Variants in PTPRR observed in about 807,000 individuals in gnomAD.
The protein encoded by PTPRR is protein tyrosine phosphatase receptor type R, also known as receptor-type tyrosine-protein phosphatase R.
PTPRR carries 38 observed loss-of-function variants against 77.2 expected under a neutral mutation model. That is an observed-to-expected ratio of 0.49 (90% CI 0.38 to 0.65). PTPRR has a LOEUF of 0.65. Among genes scored for constraint, PTPRR ranks in the 30% least tolerant of loss-of-function variants. The pLI, the probability that PTPRR is intolerant of heterozygous loss-of-function variation, is 0.00. For synonymous variants in PTPRR, 299 were observed against 283.1 expected (o/e 1.06, Z -0.57); for missense variants, 744 against 799.2 (o/e 0.93, Z 0.83).
At chr12:70,648,902 T>C (rs1886295130) in intron 13 of PTPRR, among the ~76,000 whole-genome samples, 1 of 152,116 alleles carries the variant, frequency 6.6e-6, no homozygotes, top group Non-Finnish European at 1.5e-5. Context: ...CTTATTTTAG[T>C]TCAAAATATG....
At chr12:70,703,073 T>C (rs1200817793) in intron 6 of PTPRR, among the ~76,000 whole-genome samples, 1 of 151,982 alleles carries the variant, frequency 6.6e-6, no homozygotes, top group African/African-American at 2.4e-5. Context: ...AAGCCTGAGA[T>C]ATGTATGTGA....
chr12:70,882,409 T>C (rs1893164723), intron 2 of PTPRR, among the ~76,000 whole-genome samples: 1 of 152,096 alleles, frequency 6.6e-6, no homozygotes, highest in Admixed American at 6.5e-5. Flanking sequence ...CCAGAGGATA[T>C]AGAACACCAA....
intron 6 of PTPRR, among the ~76,000 whole-genome samples, chr12:70,739,712 T>A (rs1889983919): frequency 6.6e-6 from 1 of 152,186 alleles, no homozygotes; most frequent in African/African-American, 2.4e-5. Flanking sequence ...AGGAGTGGTA[T>A]ATCTGAGAAT....
intron 2 of PTPRR, among the ~76,000 whole-genome samples, chr12:70,815,053 T>C (rs1387210386): frequency 1.3e-5 from 2 of 150,394 alleles, no homozygotes; most frequent in Non-Finnish European, 3.0e-5. Context: ...GATAAGGGCA[T>C]TAAAACAGTA....
rs1392350208 is a variant in PTPRR, at chr12:70,799,137, G to A, written c.358-34359C>T. 2.0e-5 allele frequency among the ~76,000 whole-genome samples: 3 copies of A among 152,222 alleles called. No individual in the cohort carries two copies. The South Asian group carries it at 6.2e-4, about 32-fold the overall frequency. On this transcript the variant is annotated intron_variant, in intron 2 of 13. Transcript: ENST00000283228. The stretch of plus-strand genomic sequence containing the variant: ...TCCGCTTACCTCCCTGACCATACCT[G>A]TACACATTAATTTTTATCCTCAAAA...
At chr12:70,892,256 T>C (rs1893350487) in intron 2 of PTPRR, among the ~76,000 whole-genome samples, 1 of 152,058 alleles carries the variant, frequency 6.6e-6, no homozygotes, top group African/African-American at 2.4e-5. Flanking sequence ...TTATTTATTG[T>C]AATTTGAGTC....
At chr12:70,888,854 C>CA (rs1264757933) in intron 2 of PTPRR, among the ~76,000 whole-genome samples, 3 of 152,182 alleles carry the variant, frequency 2.0e-5, no homozygotes, top group African/African-American at 7.2e-5. Context: ...AAGAAGTATA[C>CA]AGGCTACTGT....
rs1349938576 is a variant in PTPRR, at chr12:70,646,265, A to G, written c.1881-6988T>C. 2.0e-5 allele frequency among the ~76,000 whole-genome samples: 3 copies of G among 152,284 alleles called. No individual in the cohort carries two copies. The East Asian group carries it at 5.8e-4, about 29-fold the overall frequency. The stretch of plus-strand genomic sequence containing the variant: ...GTAAGGTGTGTCTGGCCCCTTGGAC[A>G]GAGGATTTCCCATGGCTTTACACAG... On this transcript the variant is annotated intron_variant, in intron 13 of 13. Transcript: ENST00000283228.
In PTPRR at chr12:70,713,214, G is replaced by A. The variant is rs987831052; in HGVS notation, c.1008-11891C>T. Among the ~76,000 whole-genome samples the A allele has an allele frequency of 2.6e-5, 4 of 152,190 alleles. No individual in the cohort carries two copies. The East Asian group carries it at 7.7e-4, about 29-fold the overall frequency. On this transcript the variant is annotated intron_variant, in intron 6 of 13. Transcript: ENST00000283228. Reference sequence around the variant, plus strand: ...GTTTTCACGGTTCATCCATGTTGTAGCATCTATCAGTACTACATTCCTTTT... The same window carrying A: ...GTTTTCACGGTTCATCCATGTTGTAACATCTATCAGTACTACATTCCTTTT...
At chr12:70,735,010 C>T (rs985113855) in intron 6 of PTPRR, among the ~76,000 whole-genome samples, 9 of 152,022 alleles carry the variant, frequency 5.9e-5, no homozygotes, top group Non-Finnish European at 8.8e-5. Flanking sequence ...TTTCTTCATT[C>T]CTGTGGGGTC....
At chr12:70,887,517 T>C (rs1364935305) in intron 2 of PTPRR, among the ~76,000 whole-genome samples, 1 of 152,050 alleles carries the variant, frequency 6.6e-6, no homozygotes, top group Non-Finnish European at 1.5e-5. Context: ...AGTAAAAAAA[T>C]GCAATAAGAA....
intron 8 of PTPRR, among the ~76,000 whole-genome samples, chr12:70,695,748 A>G (rs1172045425): frequency 1.3e-5 from 2 of 152,114 alleles, no homozygotes; most frequent in Non-Finnish European, 1.5e-5. Flanking sequence ...ACAGAGAGAG[A>G]GAGAGGGAGA....
Position 70,847,505 on chromosome 12 carries a change from T to G in PTPRR, c.357+45174A>C, listed in dbSNP as rs145839976. The stretch of plus-strand genomic sequence containing the variant: ...ATTTACATCTCAAAATATGAGGTTT[T>G]GGGGCTGTGGATGTATAATTGCCAC... On this transcript the variant is annotated intron_variant, in intron 2 of 13. Coordinates refer to ENST00000283228, the MANE Select transcript of PTPRR (RefSeq NM_002849.4). Among the ~76,000 whole-genome samples the G allele has an allele frequency of 5.6e-4, 86 of 152,294 alleles. 1 individual carries two copies. The East Asian group carries it at 0.016, about 28-fold the overall frequency.
At chr12:70,689,876 T>A (rs1887998405) in intron 8 of PTPRR, among the ~76,000 whole-genome samples, 1 of 152,330 alleles carries the variant, frequency 6.6e-6, no homozygotes, top group Admixed American at 6.5e-5. Context: ...TCTTTAGCAA[T>A]AAGATCCCAA....
At chr12:70,658,700 C>T (rs1200356018) in intron 12 of PTPRR, among the ~76,000 whole-genome samples, 2 of 149,688 alleles carry the variant, frequency 1.3e-5, no homozygotes, top group Non-Finnish European at 3.0e-5. Flanking sequence ...ATATGGAAGG[C>T]TAAGTGGTTT....
At chr12:70,867,514 C>A (rs1313623341) in intron 2 of PTPRR, among the ~76,000 whole-genome samples, 1 of 151,726 alleles carries the variant, frequency 6.6e-6, no homozygotes, top group Non-Finnish European at 1.5e-5. Flanking sequence ...GAACTACAAA[C>A]CACTGCTCAA....
chr12:70,819,987 T>G (rs908029418), intron 2 of PTPRR, among the ~76,000 whole-genome samples: 2 of 152,072 alleles, frequency 1.3e-5, no homozygotes, highest in Non-Finnish European at 2.9e-5. Context: ...GCCAAAAAAT[T>G]TAAAGAAAGA....
chr12:70,818,376 T>C (rs955952190), intron 2 of PTPRR, among the ~76,000 whole-genome samples: 3 of 152,162 alleles, frequency 2.0e-5, no homozygotes, highest in Non-Finnish European at 2.9e-5. Context: ...GATAGGTAGC[T>C]GATAACATCA....
chr12:70,679,590 T>G (rs1314246259), intron 10 of PTPRR, among the ~76,000 whole-genome samples: 1 of 152,174 alleles, frequency 6.6e-6, no homozygotes, highest in Non-Finnish European at 1.5e-5. Context: ...GGTGCATACA[T>G]ATTTACAATT....
Sources: allele counts gnomAD v4.1 joint callset (sites outside exome capture counted in the v4.1 genomes callset), GRCh38; gene constraint gnomAD v4.1.1; transcripts MANE v1.5; gene names NCBI Gene and HGNC (gene_info 2026-07-23, HGNC 2026-07-21).